The following ZBTB20 variants were observed in gnomAD, a reference collection of about 807,000 sequenced individuals.
ZBTB20 encodes the protein zinc finger and BTB domain containing 20.
A neutral mutation model predicts 56.9 loss-of-function variants in ZBTB20; 9 were observed. That is an observed-to-expected ratio of 0.16 (90% CI 0.10 to 0.28). ZBTB20 has a LOEUF of 0.28. Ranked by LOEUF, ZBTB20 falls within the 10% of genes least tolerant of loss-of-function variation. The probability of loss-of-function intolerance (pLI) is 1.00; values close to 1 mark genes in which losing one functional copy is unlikely to be tolerated. For missense variants in ZBTB20, 655 were observed against 1,003.0 expected (o/e 0.65, Z 4.69); for synonymous variants, 417 against 420.7 (o/e 0.99, Z 0.11).
intron 1 of ZBTB20, among the ~76,000 whole-genome samples, chr3:115,129,467 T>G (rs1017053453): frequency 2.6e-5 from 4 of 152,216 alleles, no homozygotes; most frequent in Admixed American, 2.6e-4. Flanking sequence ...CCAACTAATG[T>G]AGGTATTTCC....
chr3:114,880,174 A>G (rs935327045), intron 4 of ZBTB20, among the ~76,000 whole-genome samples: 1 of 152,220 alleles, frequency 6.6e-6, no homozygotes, highest in Non-Finnish European at 1.5e-5. Flanking sequence ...CACTGAATAC[A>G]TGGGGTGTGC....
intron 6 of ZBTB20, among the ~76,000 whole-genome samples, chr3:114,685,446 T>C (rs2062272477): frequency 6.6e-6 from 1 of 152,210 alleles, no homozygotes; most frequent in South Asian, 2.1e-4. Context: ...AAAATGAAAC[T>C]GCTGGAGTGA....
At chr3:114,846,258 T>G (rs1201137071) in intron 4 of ZBTB20, among the ~76,000 whole-genome samples, 1 of 152,224 alleles carries the variant, frequency 6.6e-6, no homozygotes, top group East Asian at 1.9e-4. Flanking sequence ...ACCATACTGA[T>G]GAGCTTTCCT....
chr3:115,039,500 C>T (rs2081058966), intron 2 of ZBTB20, among the ~76,000 whole-genome samples: 1 of 151,772 alleles, frequency 6.6e-6, no homozygotes, highest in Admixed American at 6.6e-5. Context: ...TGACGTGTTG[C>T]TTGAAATATT....
At chr3:115,062,368 T>C (rs936193891) in intron 2 of ZBTB20, among the ~76,000 whole-genome samples, 2 of 152,158 alleles carry the variant, frequency 1.3e-5, no homozygotes, top group Non-Finnish European at 2.9e-5. Flanking sequence ...AGACAAATCA[T>C]GTTCTTTCTT....
intron 2 of ZBTB20, among the ~76,000 whole-genome samples, chr3:115,061,185 T>G (rs1485290390): frequency 6.6e-6 from 1 of 152,080 alleles, no homozygotes; most frequent in African/African-American, 2.4e-5. Context: ...ATAATAAAAT[T>G]TTCTTGGAGC....
At chr3:114,884,168 G>A (rs1348838696) in intron 4 of ZBTB20, among the ~76,000 whole-genome samples, 1 of 151,086 alleles carries the variant, frequency 6.6e-6, no homozygotes, top group Non-Finnish European at 1.5e-5. Context: ...CTCGTGATCC[G>A]CCCGCCTCGG....
intron 3 of ZBTB20, among the ~76,000 whole-genome samples, chr3:114,960,711 G>A (rs1026315788): frequency 2.0e-5 from 3 of 152,100 alleles, no homozygotes; most frequent in Non-Finnish European, 4.4e-5. Context: ...ATGTGTTCTG[G>A]TTACAAAGAT....
chr3:114,964,990 A>G (rs1208105724), intron 3 of ZBTB20, among the ~76,000 whole-genome samples: 1 of 152,196 alleles, frequency 6.6e-6, no homozygotes, highest in African/African-American at 2.4e-5. Flanking sequence ...CCATGTGGAA[A>G]AAAATTCCTA....
chr3:114,626,330 T>C (rs2058657691), intron 6 of ZBTB20, among the ~76,000 whole-genome samples: 1 of 152,208 alleles, frequency 6.6e-6, no homozygotes. Flanking sequence ...GAAATGGAAA[T>C]AATATTATCA....
chr3:114,335,632 T>C lies in ZBTB20; in HGVS notation c.*3373A>G, dbSNP rs917690989. ...GATCTCCCACTCCAATCCAGCTTCT[T>C]CCTCTTTCCACAAAATAATTTGTCA... On this transcript the variant is annotated 3_prime_UTR_variant, in exon 12 of 12. Coordinates refer to ENST00000675478, the MANE Select transcript of ZBTB20 (RefSeq NM_001348800.3). 4 of 152,220 alleles carry C rather than the reference T, an allele frequency of 2.6e-5. No homozygotes were observed. Among genetic ancestry groups the C allele is most frequent in the Admixed American group, 6.5e-5 (1 of 15,280 alleles). The allele number at this position is 152,220 out of a possible 1,614,324, so 9.4% of individuals were successfully genotyped here.
chr3:115,029,185 T>C (rs2080559665), intron 2 of ZBTB20, among the ~76,000 whole-genome samples: 1 of 150,184 alleles, frequency 6.7e-6, no homozygotes, highest in Non-Finnish European at 1.5e-5. Context: ...ACAAGAAAAA[T>C]GTCAGACTTA....
At chr3:114,667,944 G>T (rs892988254) in intron 6 of ZBTB20, among the ~76,000 whole-genome samples, 75 of 151,692 alleles carry the variant, frequency 4.9e-4, no homozygotes, top group Admixed American at 1.9e-3. Context: ...ATGGAAATGG[G>T]GATTATAAAA....
intron 6 of ZBTB20, among the ~76,000 whole-genome samples, chr3:114,568,938 C>G (rs2053108544): frequency 6.6e-6 from 1 of 152,240 alleles, no homozygotes; most frequent in Middle Eastern, 3.4e-3. Flanking sequence ...CCTGGGTACT[C>G]TGGACTCCCC....
intron 6 of ZBTB20, among the ~76,000 whole-genome samples, chr3:114,651,545 G>A (rs2060128518): frequency 1.6e-5 from 2 of 122,182 alleles, no homozygotes; most frequent in Non-Finnish European, 1.6e-5. Flanking sequence ...CCCTTGGTTG[G>A]ATAGTAAAAA....
chr3:114,691,327 A>G (rs1306517345), intron 6 of ZBTB20, among the ~76,000 whole-genome samples: 2 of 152,170 alleles, frequency 1.3e-5, no homozygotes, highest in Non-Finnish European at 2.9e-5. Context: ...TTGCTTCAAC[A>G]TAACATGGTG....
chr3:114,769,797 A>G (rs1024507707), intron 5 of ZBTB20, among the ~76,000 whole-genome samples: 2 of 151,966 alleles, frequency 1.3e-5, no homozygotes, highest in South Asian at 4.1e-4. Flanking sequence ...GGTGGCTCAG[A>G]CCTGTAATCC....
intron 4 of ZBTB20, among the ~76,000 whole-genome samples, chr3:114,856,554 A>G (rs2075263654): frequency 6.6e-6 from 1 of 151,916 alleles, no homozygotes; most frequent in Admixed American, 6.5e-5. Context: ...TAATAAAAAG[A>G]AAATTAAAAA....
chr3:115,027,928 T>C (rs757333300), intron 2 of ZBTB20, among the ~76,000 whole-genome samples: 7 of 150,830 alleles, frequency 4.6e-5, no homozygotes, highest in Non-Finnish European at 1.0e-4. Flanking sequence ...CAAAAATTGA[T>C]AGATAAAATT....
Sources: allele counts gnomAD v4.1 joint callset (sites outside exome capture counted in the v4.1 genomes callset), GRCh38; gene constraint gnomAD v4.1.1; transcripts MANE v1.5; gene names NCBI Gene and HGNC (gene_info 2026-07-23, HGNC 2026-07-21).